The following GRM1 variants were observed in gnomAD, a reference collection of about 807,000 sequenced individuals.
The protein encoded by GRM1 is glutamate metabotropic receptor 1, also known as metabotropic glutamate receptor 1.
Under a neutral mutation model 90.9 loss-of-function variants are expected in GRM1, and 33 were observed. The ratio of observed to expected loss-of-function variants is 0.36; its 90% CI spans 0.28 to 0.49. The LOEUF (loss-of-function observed/expected upper bound fraction) is 0.49, where lower values mean the gene tolerates loss of function less well. GRM1 is among the 20% of genes least tolerant of loss of function. GRM1 has a pLI of 0.99. For synonymous variants in GRM1, 700 were observed against 613.2 expected (o/e 1.14, Z -2.09); for missense variants, 1,190 against 1,534.3 (o/e 0.78, Z 3.75).
At chr6:146,124,432 T>G (rs2128878249) in intron 1 of GRM1, among the ~76,000 whole-genome samples, 1 of 152,298 alleles carries the variant, frequency 6.6e-6, no homozygotes, top group Middle Eastern at 3.4e-3. Context: ...ATATTTAGTT[T>G]TTCCACACAC....
intron 2 of GRM1, among the ~76,000 whole-genome samples, chr6:146,264,613 G>A (rs1781813769): frequency 6.6e-6 from 1 of 151,772 alleles, no homozygotes; most frequent in Non-Finnish European, 1.5e-5. Flanking sequence ...GTGAGATTTG[G>A]ACTTCCACAG....
intron 2 of GRM1, among the ~76,000 whole-genome samples, chr6:146,182,492 G>A (rs1478661930): frequency 6.6e-6 from 1 of 151,982 alleles, no homozygotes; most frequent in East Asian, 1.9e-4. Context: ...TCATTCATTT[G>A]CATGTCTATT....
intron 2 of GRM1, among the ~76,000 whole-genome samples, chr6:146,185,658 A>ATTTGTGGTGG (rs1290023498): frequency 6.6e-6 from 1 of 152,126 alleles, no homozygotes; most frequent in African/African-American, 2.4e-5. Context: ...ATTTGTGGTG[A>ATTTGTGGTGG]TTTGGGAGTA....
At chr6:146,068,284 T>C (rs1775916176) in intron 1 of GRM1, among the ~76,000 whole-genome samples, 1 of 148,896 alleles carries the variant, frequency 6.7e-6, no homozygotes, top group African/African-American at 2.6e-5. Context: ...TGGCTAATTT[T>C]TTGTATTTTT....
intron 2 of GRM1, among the ~76,000 whole-genome samples, chr6:146,228,969 A>G (rs1365997245): frequency 3.9e-5 from 6 of 152,276 alleles, no homozygotes; most frequent in African/African-American, 1.4e-4. Flanking sequence ...AAACATAATC[A>G]TTATGAAATG....
In GRM1 at chr6:146,257,477, G is replaced by A. The variant is rs969195212; in HGVS notation, c.951-47134G>A. ...TAGTAGAACACATACCTACCTATAT[G>A]TGTGTGCGTATGTGTGTGTCTGTCT... On this transcript the variant is annotated intron_variant, in intron 2 of 7. Transcript: ENST00000282753. Among the ~76,000 whole-genome samples, 9 of 151,942 alleles carry A rather than the reference G, an allele frequency of 5.9e-5. No homozygotes were observed. In the East Asian group the frequency reaches 1.7e-3, roughly 29 times the overall value.
chr6:146,065,180 A>G (rs1164146722), intron 1 of GRM1, among the ~76,000 whole-genome samples: 2 of 152,150 alleles, frequency 1.3e-5, no homozygotes, highest in Admixed American at 6.6e-5. Flanking sequence ...TGTAAAAAAC[A>G]TATTCAAAAT....
chr6:146,126,032 C>T (rs1776186222), intron 1 of GRM1, among the ~76,000 whole-genome samples: 2 of 151,964 alleles, frequency 1.3e-5, no homozygotes, highest in South Asian at 4.2e-4. Context: ...TAGTTACAGC[C>T]AGAAACTAGA....
intron 7 of GRM1, among the ~76,000 whole-genome samples, chr6:146,415,481 A>G (rs78442082): frequency 0.013 from 1,954 of 152,326 alleles, 48 homozygotes; most frequent in African/African-American, 0.045. Flanking sequence ...TTCCCTCATT[A>G]AATGACTGGT....
At chr6:146,165,971 C>G (rs9485050) in intron 2 of GRM1, among the ~76,000 whole-genome samples, 16,008 of 151,992 alleles carry the variant, frequency 0.11, 1,644 homozygotes, top group African/African-American at 0.27. Context: ...CTTTCATGGT[C>G]TTTACCTGCC....
chr6:146,334,841 C>A (rs970864938), intron 3 of GRM1, among the ~76,000 whole-genome samples: 15 of 152,050 alleles, frequency 9.9e-5, no homozygotes, highest in Non-Finnish European at 2.1e-4. Flanking sequence ...TCACCATAAG[C>A]TTGAGGCCTT....
chr6:146,249,846 G>A (rs945662184), intron 2 of GRM1, among the ~76,000 whole-genome samples: 2 of 152,138 alleles, frequency 1.3e-5, no homozygotes, highest in Non-Finnish European at 2.9e-5. Context: ...GGGGTGGGTT[G>A]AGAGGGCTAT....
chr6:146,289,654 A>G (rs1345293139), intron 2 of GRM1, among the ~76,000 whole-genome samples: 1 of 152,168 alleles, frequency 6.6e-6, no homozygotes, highest in African/African-American at 2.4e-5. Flanking sequence ...CTAATCCCAC[A>G]AGCTCCATTC....
intron 2 of GRM1, among the ~76,000 whole-genome samples, chr6:146,286,599 A>C (rs752775881): frequency 2.4e-4 from 37 of 152,222 alleles, no homozygotes; most frequent in Non-Finnish European, 4.3e-4. Flanking sequence ...TCAGTGGAAA[A>C]ATACACTTTC....
At chr6:146,100,802 T>C (rs1434460281) in intron 1 of GRM1, among the ~76,000 whole-genome samples, 2 of 152,210 alleles carry the variant, frequency 1.3e-5, no homozygotes, top group Non-Finnish European at 2.9e-5. Flanking sequence ...ATTCATTGAA[T>C]CTATACATTC....
rs1445665680 is a variant in GRM1 at position 146,232,593 on chromosome 6, C to T, written c.951-72018C>T. 2.0e-5 allele frequency among the ~76,000 whole-genome samples: 3 copies of T among 151,936 alleles called. 1 individual carries two copies. The highest frequency in any genetic ancestry group is 2.0e-4 in the Admixed American group (3 of 15,224). ...ATTAAGTTATTGTTGACTGTAGTCA[C>T]CCTGTTGTGTTATCAAATAATATGT... On this transcript the variant is annotated intron_variant, in intron 2 of 7. Transcript: ENST00000282753.
At chr6:146,402,527 C>G (rs1216393883) in intron 7 of GRM1, among the ~76,000 whole-genome samples, 2 of 152,078 alleles carry the variant, frequency 1.3e-5, no homozygotes, top group South Asian at 4.1e-4. Context: ...CCAACTGAAG[C>G]AAAGGGGCTA....
At position 146,349,328 on chromosome 6, in the gene GRM1, G is replaced by A. The variant is rs900287065; in HGVS notation, c.1187-2922G>A. On this transcript the variant is annotated intron_variant, in intron 3 of 7. Coordinates refer to ENST00000282753, the MANE Select transcript of GRM1 (RefSeq NM_001278064.2). ...GATCTCCTGACCTCATGATCCGTCC[G>A]CCTCAGCCTCCCAAAGTGCTGGGAT... Among the ~76,000 whole-genome samples the A allele has an allele frequency of 3.3e-5, 5 of 151,082 alleles. No homozygotes were observed. The East Asian group carries it at 5.9e-4, about 18-fold the overall frequency.
intron 1 of GRM1, among the ~76,000 whole-genome samples, chr6:146,142,809 C>T (rs1168096454): frequency 3.3e-5 from 5 of 152,104 alleles, no homozygotes; most frequent in Admixed American, 2.6e-4. Context: ...TCTTCTCACC[C>T]AGGGAAGGTT....
Sources: allele counts gnomAD v4.1 joint callset (sites outside exome capture counted in the v4.1 genomes callset), GRCh38; gene constraint gnomAD v4.1.1; transcripts MANE v1.5; gene names NCBI Gene and HGNC (gene_info 2026-07-23, HGNC 2026-07-21).